The following CEP112 variants were observed in gnomAD, a reference collection of about 807,000 sequenced individuals.
CEP112 encodes the protein centrosomal protein of 112 kDa.
In CEP112, 127 loss-of-function variants were observed where a neutral mutation model predicts 153.0. The ratio of observed to expected loss-of-function variants is 0.83; its 90% CI spans 0.72 to 0.96. CEP112 has a LOEUF of 0.96. Among genes scored for constraint, CEP112 ranks in the 40% least tolerant of loss-of-function variants. The pLI is 0.00. For missense variants in CEP112, 1,089 were observed against 1,101.2 expected (o/e 0.99, Z 0.16); for synonymous variants, 358 against 374.4 (o/e 0.96, Z 0.51).
At chr17:66,097,710 A>C (rs893714351) in intron 6 of CEP112, among the ~76,000 whole-genome samples, 8 of 152,200 alleles carry the variant, frequency 5.3e-5, no homozygotes, top group Non-Finnish European at 7.3e-5. Context: ...CACAATATCT[A>C]ATGTATAGTA....
chr17:65,978,724 C>CT (rs2063123018), intron 17 of CEP112, among the ~76,000 whole-genome samples: 1 of 152,126 alleles, frequency 6.6e-6, no homozygotes, highest in African/African-American at 2.4e-5. Flanking sequence ...ATATAAACTG[C>CT]TAAAAAATGG....
chr17:65,829,589 C>T (rs144939411), intron 21 of CEP112, among the ~76,000 whole-genome samples: 2 of 152,234 alleles, frequency 1.3e-5, no homozygotes, highest in African/African-American at 4.8e-5. Context: ...GCATAAAATG[C>T]TATTCGAAAT....
rs552845428 is a variant in CEP112 at position 65,882,109 on chromosome 17, G to A, written c.2163+20043C>T. Among the ~76,000 whole-genome samples, 6 of 152,316 alleles carry A rather than the reference G, an allele frequency of 3.9e-5. No homozygotes were observed. In the East Asian group the frequency reaches 5.8e-4, roughly 15 times the overall value. On this transcript the variant is annotated intron_variant, in intron 20 of 26. Transcript: ENST00000535342. The stretch of plus-strand genomic sequence containing the variant: ...GTAATAAAGGGGGAAAATTATACTC[G>A]TTTTGACTGAAACTAAAGTCCACAA...
At chr17:65,890,556 C>T (rs1158990499) in intron 20 of CEP112, among the ~76,000 whole-genome samples, 1 of 152,122 alleles carries the variant, frequency 6.6e-6, no homozygotes, top group Non-Finnish European at 1.5e-5. Context: ...TTTGCTGTAA[C>T]TCTGGCAGGC....
chr17:65,638,614 G>A (rs533465060), intron 25 of CEP112, among the ~76,000 whole-genome samples: 1 of 152,236 alleles, frequency 6.6e-6, no homozygotes, highest in East Asian at 1.9e-4. Flanking sequence ...TGATAATTTT[G>A]ACAGATGCAG....
intron 24 of CEP112, among the ~76,000 whole-genome samples, chr17:65,680,481 C>T (rs1346468530): frequency 6.6e-6 from 1 of 152,016 alleles, no homozygotes; most frequent in Non-Finnish European, 1.5e-5. Context: ...CATCTGTCAC[C>T]CTCCCTCTCC....
intron 5 of CEP112, among the ~76,000 whole-genome samples, chr17:66,132,243 A>G (rs1236060607): frequency 6.6e-6 from 1 of 150,816 alleles, no homozygotes; most frequent in Admixed American, 6.6e-5. Flanking sequence ...TCCAAAGCAA[A>G]TCTATGTTGA....
chr17:65,728,733 TAAAAGATACAA>T (rs2050324193), intron 23 of CEP112, among the ~76,000 whole-genome samples: 1 of 152,206 alleles, frequency 6.6e-6, no homozygotes, highest in Admixed American at 6.5e-5. Flanking sequence ...AAATACAGTA[TAAAAGATACAA>T]AATGGTGCAC....
At chr17:66,101,203 A>G (rs1018337333) in intron 6 of CEP112, among the ~76,000 whole-genome samples, 7 of 152,252 alleles carry the variant, frequency 4.6e-5, no homozygotes, top group African/African-American at 1.7e-4. Flanking sequence ...TGAAAAATGA[A>G]AAGTATGTAT....
intron 4 of CEP112, 139 bp downstream of exon 4, chr17:66,174,905 T>C: frequency 2.0e-6 from 1 of 490,874 alleles, no homozygotes. Flanking sequence ...GCTAAAAATA[T>C]AAAATAATCT....
chr17:65,666,657 G>A (rs1337993207), intron 24 of CEP112, among the ~76,000 whole-genome samples: 1 of 152,094 alleles, frequency 6.6e-6, no homozygotes, highest in African/African-American at 2.4e-5. Context: ...AGCAAGTGTC[G>A]CTCAATTTCC....
intron 23 of CEP112, among the ~76,000 whole-genome samples, chr17:65,730,365 CCTAT>C (rs1306696053): frequency 6.6e-6 from 1 of 152,148 alleles, no homozygotes; most frequent in Non-Finnish European, 1.5e-5. Context: ...CATATCCAAG[CCTAT>C]CTTCCAGAGC....
intron 21 of CEP112, among the ~76,000 whole-genome samples, chr17:65,818,865 TTA>T (rs145477470): frequency 0.01 from 1,551 of 152,016 alleles, 34 homozygotes; most frequent in African/African-American, 0.036. Flanking sequence ...TTTTAATACA[TTA>T]TGTCTCACAC....
At chr17:65,878,572 G>C (rs1344809115) in intron 20 of CEP112, among the ~76,000 whole-genome samples, 7 of 152,264 alleles carry the variant, frequency 4.6e-5, no homozygotes, top group African/African-American at 1.4e-4. Context: ...TTGGAGGAGA[G>C]AAAATAGGAC....
intron 20 of CEP112, among the ~76,000 whole-genome samples, chr17:65,865,927 C>T (rs554658644): frequency 3.0e-4 from 45 of 150,410 alleles, no homozygotes; most frequent in African/African-American, 9.3e-4. Flanking sequence ...GGCGGTGCTG[C>T]GCTCTACACA....
chr17:65,851,999 C>CAA lies in CEP112; in HGVS notation c.2197_2198dup (p.Leu733PhefsTer2). 6.2e-7 allele frequency: 1 copy of CAA among 1,612,648 alleles called. No homozygotes were observed. Among genetic ancestry groups the CAA allele is most frequent in the Non-Finnish European group, 8.5e-7 (1 of 1,179,706 alleles). ...AGTTCACATTGATCAATTCTTCTCT[C>CAA]AACTTGTGAACCTGGGCCTCCATGT... On this transcript the variant is annotated frameshift_variant, in exon 21 of 27. Coordinates refer to ENST00000535342, the MANE Select transcript of CEP112 (RefSeq NM_001199165.4). LOFTEE classifies it high-confidence loss of function.
intron 24 of CEP112, among the ~76,000 whole-genome samples, chr17:65,648,354 T>C (rs950122778): frequency 5.3e-5 from 8 of 152,230 alleles, no homozygotes; most frequent in African/African-American, 1.9e-4. Context: ...TAATGACTCC[T>C]GTAAGCTGAG....
intron 20 of CEP112, among the ~76,000 whole-genome samples, chr17:65,884,747 TGCTCTTGTTGTCCAG>T: frequency 6.6e-6 from 1 of 150,506 alleles, no homozygotes; most frequent in South Asian, 2.1e-4. Context: ...GACGGAGTTT[TGCTCTTGTTGTCCAG>T]GCTGGAGTGC....
In CEP112 at chr17:65,902,138, T is replaced by C. The variant is rs1267872872; in HGVS notation, c.2163+14A>G. On this transcript the variant is annotated intron_variant, in intron 20 of 26. Transcript: ENST00000535342. ...AAACAGATACCCGTTTTATCAAATA[T>C]TATTGATAATTACCTGTGCATCTCG... 6.3e-7 allele frequency: 1 copy of C among 1,595,266 alleles called. No homozygotes were observed. Among genetic ancestry groups the C allele is most frequent in the Admixed American group, 1.7e-5 (1 of 58,302 alleles).
Sources: gnomAD v4.1 joint callset for allele counts (sites outside exome capture counted in the v4.1 genomes callset) on GRCh38, gnomAD v4.1.1 for gene constraint, MANE v1.5 for transcripts, NCBI Gene and HGNC (gene_info 2026-07-23, HGNC 2026-07-21) for gene names.